TEX13C: variants seen among roughly 807,000 people sequenced by gnomAD.
TEX13C encodes TEX13 family member C.
For missense variants in TEX13C, 480 were observed against 298.7 expected (o/e 1.61, Z -4.47); for synonymous variants, 219 against 116.6 (o/e 1.88, Z -5.65).
chrX:125,322,240 C>G (rs777723475), exon 1 of TEX13C: 14 of 503,657 alleles, frequency 2.8e-5, no homozygotes, highest in Admixed American at 1.4e-4. Context: ...CCCTGGGGGA[C>G]AGCAACAGCC....
chrX:125,320,508 C>T (rs2018825936), exon 1 of TEX13C: 3 of 515,869 alleles, frequency 5.8e-6, no homozygotes, highest in African/African-American at 4.5e-5. Context: ...CTCACGCAGG[C>T]CGCCCTGCAG....
At chrX:125,321,757 C>A (rs2018844517) in exon 1 of TEX13C, 1 of 509,894 alleles carries the variant, frequency 2.0e-6, no homozygotes, top group Non-Finnish European at 3.5e-6. Context: ...GAAGCCACAG[C>A]CTGAAGAAAG....
At chrX:125,320,148 G>T (rs2018820578) in exon 1 of TEX13C, 1 of 492,049 alleles carries the variant, frequency 2.0e-6, no homozygotes, top group African/African-American at 2.3e-5. Flanking sequence ...GACCATGCCA[G>T]CGGGTTCCGC....
At chrX:125,321,929 G>T (rs1420234236) in exon 1 of TEX13C, 1 of 509,693 alleles carries the variant, frequency 2.0e-6, no homozygotes, top group Admixed American at 2.7e-5. Context: ...CCCCCTGGGG[G>T]ACAGCAACAG....
chrX:125,323,793 A>T (rs1453121607), exon 1 of TEX13C: 1 of 112,050 alleles, frequency 8.9e-6, no homozygotes, highest in Non-Finnish European at 1.9e-5. Context: ...GATCTGCCAA[A>T]GCCACAAGAA....
chrX:125,320,046 A>G (rs1258707177), upstream of TEX13C: 2 of 451,095 alleles, frequency 4.4e-6, no homozygotes, highest in African/African-American at 4.9e-5. Context: ...GGTGGCAGCA[A>G]CCTGTACCGG....
exon 1 of TEX13C, chrX:125,321,398 A>T: frequency 3.9e-6 from 2 of 512,278 alleles, no homozygotes; most frequent in Non-Finnish European, 7.0e-6. Flanking sequence ...AGATCCAGTG[A>T]TGCCCCAGAA....
At chrX:125,320,687 G>A (rs990028969) in exon 1 of TEX13C, 2 of 514,080 alleles carry the variant, frequency 3.9e-6, no homozygotes, top group Non-Finnish European at 7.0e-6. Flanking sequence ...GGCCACAGAG[G>A]CACAGGGAAT....
chrX:125,320,268 T>C, exon 1 of TEX13C: 1 of 515,990 alleles, frequency 1.9e-6, no homozygotes, highest in Non-Finnish European at 3.5e-6. Flanking sequence ...GAGGACCGGC[T>C]TCGGGCCATT....
At chrX:125,323,173 C>T (rs968394417) in exon 1 of TEX13C, 1 of 426,880 alleles carries the variant, frequency 2.3e-6, no homozygotes, top group Non-Finnish European at 4.0e-6. Context: ...GGACCCCCTT[C>T]TGATAAAAAA....
exon 1 of TEX13C, chrX:125,322,531 G>A (rs1490586994): frequency 2.0e-6 from 1 of 506,643 alleles, no homozygotes; most frequent in African/African-American, 2.4e-5. Context: ...TGCCCCAGGG[G>A]ACAGCCTCCC....
exon 1 of TEX13C, chrX:125,320,222 T>C: frequency 3.9e-6 from 2 of 515,907 alleles, no homozygotes; most frequent in South Asian, 2.5e-5. Flanking sequence ...CCCAGCCTTT[T>C]ACACGGCCTT....
At chrX:125,320,961 A>G (rs1193606253) in exon 1 of TEX13C, 5 of 515,656 alleles carry the variant, frequency 9.7e-6, no homozygotes, top group Non-Finnish European at 1.7e-5. Flanking sequence ...GTGGGATCCC[A>G]GGAGGAGACG....
exon 1 of TEX13C, chrX:125,322,816 C>G (rs1484598089): frequency 3.9e-6 from 2 of 513,513 alleles, no homozygotes; most frequent in African/African-American, 4.6e-5. Context: ...AGAGCCACAG[C>G]CAGAAGGAAG....
exon 1 of TEX13C, chrX:125,322,610 G>A (rs765596577): frequency 6.9e-5 from 35 of 509,717 alleles, no homozygotes; most frequent in Non-Finnish European, 1.2e-4. Context: ...CCCCCTGGGG[G>A]ACAGCAACAG....
exon 1 of TEX13C, chrX:125,322,884 A>G (rs2018862143): frequency 3.9e-6 from 2 of 515,442 alleles, no homozygotes; most frequent in East Asian, 3.6e-5. Context: ...GGTGTGAAAA[A>G]TAGCCCATGG....
chrX:125,322,370 C>A (rs5976647), exon 1 of TEX13C: 2 of 467,056 alleles, frequency 4.3e-6, no homozygotes, highest in Admixed American at 6.0e-5. Context: ...GGGGGACAGC[C>A]ACAGCCTGAA....
chrX:125,324,840 C>T (rs1161531336), exon 1 of TEX13C: 3 of 112,483 alleles, frequency 2.7e-5, no homozygotes, highest in Admixed American at 1.9e-4. Context: ...TCCCAAGTCC[C>T]TTTTCAGTCA....
chrX:125,322,892 T>C (rs1387461960), exon 1 of TEX13C: 10 of 512,920 alleles, frequency 1.9e-5, no homozygotes, highest in Non-Finnish European at 3.5e-5. Flanking sequence ...AAATAGCCCA[T>C]GGAAACACCA....
Sources: allele counts gnomAD v4.1 joint callset, GRCh38; gene constraint gnomAD v4.1.1; transcripts MANE v1.5; gene names NCBI Gene and HGNC (gene_info 2026-07-23, HGNC 2026-07-21).